Variants in CPEB3 observed in about 807,000 individuals in gnomAD.
CPEB3 encodes the protein cytoplasmic polyadenylation element-binding protein 3.
In CPEB3, 20 loss-of-function variants were observed where a neutral mutation model predicts 67.2. The ratio of observed to expected loss-of-function variants is 0.30; its 90% CI spans 0.21 to 0.43. The LOEUF is 0.43. Ranked by LOEUF, CPEB3 falls within the 20% of genes least tolerant of loss-of-function variation. The pLI is 1.00. For synonymous variants in CPEB3, 376 were observed against 393.1 expected (o/e 0.96, Z 0.51); for missense variants, 746 against 968.6 (o/e 0.77, Z 3.05).
At chr10:92,105,264 A>T (rs1433799867) in intron 7 of CPEB3, among the ~76,000 whole-genome samples, 1 of 152,256 alleles carries the variant, frequency 6.6e-6, no homozygotes, top group Non-Finnish European at 1.5e-5. Context: ...TAAGCAAAGA[A>T]TGAAATACCT....
intron 1 of CPEB3, among the ~76,000 whole-genome samples, chr10:92,259,883 A>T (rs1257780022): frequency 1.3e-5 from 2 of 152,218 alleles, no homozygotes; most frequent in African/African-American, 4.8e-5. Flanking sequence ...CATACAATAA[A>T]TCTATGAGGT....
At chr10:92,287,673 G>A (rs1414568654) in intron 1 of CPEB3, among the ~76,000 whole-genome samples, 1 of 152,128 alleles carries the variant, frequency 6.6e-6, no homozygotes, top group Non-Finnish European at 1.5e-5. Flanking sequence ...TTATTGAGAT[G>A]TAATTTATGT....
chr10:92,198,312 A>C (rs1052882882), intron 2 of CPEB3, among the ~76,000 whole-genome samples: 1 of 152,038 alleles, frequency 6.6e-6, no homozygotes, highest in Non-Finnish European at 1.5e-5. Flanking sequence ...CTTTAACTTA[A>C]TCTGTCACAA....
chr10:92,246,190 C>A (rs577771900), intron 1 of CPEB3, among the ~76,000 whole-genome samples: 1 of 149,702 alleles, frequency 6.7e-6, no homozygotes, highest in Non-Finnish European at 1.5e-5. Flanking sequence ...AAAAATTAGT[C>A]GGGCATGGTG....
chr10:92,121,756 T>C (rs1845401421), intron 6 of CPEB3, among the ~76,000 whole-genome samples: 2 of 152,158 alleles, frequency 1.3e-5, no homozygotes, highest in Admixed American at 6.5e-5. Context: ...TGGCTGGTTT[T>C]GGATTGAGAC....
At chr10:92,228,718 AT>A (rs59272265) in intron 2 of CPEB3, among the ~76,000 whole-genome samples, 9,432 of 143,956 alleles carry the variant, frequency 0.066, 931 homozygotes, top group African/African-American at 0.22. Context: ...ATATATATAC[AT>A]TTTTTTTTTT....
At chr10:92,118,953 T>A (rs1348374365) in intron 6 of CPEB3, 3 of 1,351,316 alleles carry the variant, frequency 2.2e-6, no homozygotes, top group Non-Finnish European at 3.2e-6. Context: ...GAGTCTTATT[T>A]GGAGCTGGTG....
At chr10:92,257,852 C>T (rs1233324526) in intron 1 of CPEB3, among the ~76,000 whole-genome samples, 1 of 151,494 alleles carries the variant, frequency 6.6e-6, no homozygotes, top group Middle Eastern at 3.2e-3. Flanking sequence ...GCCTCAGCCC[C>T]CTGAGTAGCT....
Position 92,050,518 on chromosome 10 carries a change from GTGTGTT to G in CPEB3, c.*1688_*1693del, listed in dbSNP as rs1841864154. The G allele has an allele frequency of 6.5e-6, 1 of 152,716 alleles. No homozygotes were observed. The highest frequency in any genetic ancestry group is 1.9e-4 in the East Asian group (1 of 5,196). 9.5% of individuals were successfully genotyped at this position (152,716 alleles called of 1,614,324 possible). On this transcript the variant is annotated 3_prime_UTR_variant, in exon 10 of 10. Coordinates refer to ENST00000265997, the MANE Select transcript of CPEB3 (RefSeq NM_014912.5). Reference sequence around the variant, plus strand: ...ATTTACATAGTCTTGCAATCATTGTGTGTGTTTATATATTACTATCTGCAGCCCAAG... The same window carrying G: ...ATTTACATAGTCTTGCAATCATTGTGTATATATTACTATCTGCAGCCCAAG...
chr10:92,180,368 T>C (rs930825519), intron 4 of CPEB3, among the ~76,000 whole-genome samples: 1 of 152,228 alleles, frequency 6.6e-6, no homozygotes, highest in African/African-American at 2.4e-5. Flanking sequence ...CTGAGTTATG[T>C]ATAAATAAGT....
intron 6 of CPEB3, among the ~76,000 whole-genome samples, chr10:92,112,331 G>C (rs1354238295): frequency 2.6e-5 from 4 of 151,894 alleles, no homozygotes; most frequent in Non-Finnish European, 5.9e-5. Flanking sequence ...TTTTAGTAGA[G>C]ACAGGGTTTC....
rs549497025 is a variant in CPEB3 at position 92,214,347 on chromosome 10, C to A, written c.1006-21711G>T. ...TCTTGGAAGCAGAGAGGAGCCCTCA[C>A]CAGACATCAAACCCACTGGCAACTT... On this transcript the variant is annotated intron_variant, in intron 2 of 9. Coordinates refer to ENST00000265997, the MANE Select transcript of CPEB3 (RefSeq NM_014912.5). Among the ~76,000 whole-genome samples the A allele has an allele frequency of 3.9e-5, 6 of 152,288 alleles. No homozygotes were observed. In the South Asian group the frequency reaches 1.2e-3, roughly 32 times the overall value.
At chr10:92,255,327 A>T (rs1852473164) in intron 1 of CPEB3, among the ~76,000 whole-genome samples, 1 of 151,854 alleles carries the variant, frequency 6.6e-6, no homozygotes, top group African/African-American at 2.4e-5. Flanking sequence ...CTTCCAGTTA[A>T]CTCCCCAACT....
At chr10:92,198,674 A>C (rs1466633619) in intron 2 of CPEB3, among the ~76,000 whole-genome samples, 1 of 152,240 alleles carries the variant, frequency 6.6e-6, no homozygotes, top group East Asian at 1.9e-4. Flanking sequence ...TAAATGGTTT[A>C]AAGTTCTATC....
In CPEB3 at chr10:92,081,504, G is replaced by GA; in HGVS notation, c.1688-4_1688-3insT. On this transcript the variant is annotated splice_region_variant and splice_polypyrimidine_tract_variant and intron_variant, in intron 8 of 9. Coordinates refer to ENST00000265997, the MANE Select transcript of CPEB3 (RefSeq NM_014912.5). ...GTCCATGATCATTGCCAGTTCAACT[G>GA]CAAAAAAAAAACAAAACATGGATGT... 3 of 1,592,682 alleles carry GA rather than the reference G, an allele frequency of 1.9e-6. No individual in the cohort carries two copies. Among genetic ancestry groups the GA allele is most frequent in the African/African-American group, 2.7e-5 (2 of 72,918 alleles).
intron 7 of CPEB3, among the ~76,000 whole-genome samples, chr10:92,105,307 C>T (rs1468714487): frequency 6.6e-6 from 1 of 152,202 alleles, no homozygotes; most frequent in East Asian, 1.9e-4. Context: ...AGGACTGAGA[C>T]AATCAAGGTG....
intron 7 of CPEB3, among the ~76,000 whole-genome samples, chr10:92,095,819 C>T (rs540254974): frequency 6.6e-6 from 1 of 151,798 alleles, no homozygotes; most frequent in Non-Finnish European, 1.5e-5. Flanking sequence ...ATATACAAAA[C>T]TGGTCCTCCG....
intron 9 of CPEB3, among the ~76,000 whole-genome samples, chr10:92,066,021 T>C (rs1342858629): frequency 6.6e-5 from 10 of 151,786 alleles, no homozygotes; most frequent in Admixed American, 1.3e-4. Flanking sequence ...CACTTGAGTC[T>C]GGAAGGCAGG....
At chr10:92,225,820 CG>C (rs1850943104) in intron 2 of CPEB3, among the ~76,000 whole-genome samples, 1 of 152,058 alleles carries the variant, frequency 6.6e-6, no homozygotes, top group East Asian at 1.9e-4. Flanking sequence ...GGCAATTGGC[CG>C]GGTGCAGTGG....
Sources: gnomAD v4.1 joint callset for allele counts (sites outside exome capture counted in the v4.1 genomes callset) on GRCh38, gnomAD v4.1.1 for gene constraint, MANE v1.5 for transcripts, NCBI Gene and HGNC (gene_info 2026-07-23, HGNC 2026-07-21) for gene names.